The following ANKFN1 variants were observed in gnomAD, a reference collection of about 807,000 sequenced individuals.
ANKFN1 encodes the protein ankyrin repeat and fibronectin type III domain containing 1.
In ANKFN1, 74 loss-of-function variants were observed where a neutral mutation model predicts 108.7. That is an observed-to-expected ratio of 0.68 (90% CI 0.56 to 0.83). The LOEUF (loss-of-function observed/expected upper bound fraction) is 0.83. ANKFN1 is among the 40% of genes least tolerant of loss of function. ANKFN1 has a pLI of 0.00. For missense variants in ANKFN1, 1,505 were observed against 1,382.3 expected (o/e 1.09, Z -1.41); for synonymous variants, 547 against 516.2 (o/e 1.06, Z -0.81).
intron 3 of ANKFN1, among the ~76,000 whole-genome samples, chr17:56,282,279 C>T (rs1390304868): frequency 2.7e-5 from 4 of 149,476 alleles, no homozygotes; most frequent in Admixed American, 6.6e-5. Context: ...CAACAGGTGC[C>T]GTGTGTGTGT....
chr17:56,308,348 T>G (rs1487647553), intron 3 of ANKFN1, among the ~76,000 whole-genome samples: 2 of 152,152 alleles, frequency 1.3e-5, no homozygotes, highest in Non-Finnish European at 2.9e-5. Context: ...CTTGCATCCA[T>G]GTAGTCATTA....
At chr17:56,332,983 A>G (rs1598418147) in intron 4 of ANKFN1, among the ~76,000 whole-genome samples, 2 of 38,290 alleles carry the variant, frequency 5.2e-5, no homozygotes, top group African/African-American at 1.3e-4. Flanking sequence ...ATGTGTGTAT[A>G]TATATATATA....
intron 4 of ANKFN1, among the ~76,000 whole-genome samples, chr17:56,104,095 T>C (rs1193557604): frequency 2.0e-5 from 3 of 152,212 alleles, no homozygotes; most frequent in Non-Finnish European, 4.4e-5. Context: ...CTCTGTCTTC[T>C]TCTTGGCTCA....
intron 1 of ANKFN1, chr17:56,174,385 AG>A (rs1327165307): frequency 3.0e-6 from 3 of 985,472 alleles, no homozygotes; most frequent in Non-Finnish European, 2.4e-6. Flanking sequence ...GGATTGGAGG[AG>A]GGAGCAGAGG....
At chr17:56,151,689 C>T (rs1908624152), upstream of ANKFN1, among the ~76,000 whole-genome samples, 1 of 152,278 alleles carries the variant, frequency 6.6e-6, no homozygotes, top group South Asian at 2.1e-4. Flanking sequence ...ATCTGACCAA[C>T]AGCACCACTG....
intron 4 of ANKFN1, among the ~76,000 whole-genome samples, chr17:56,136,038 T>A (rs1907582403): frequency 6.6e-6 from 1 of 152,150 alleles, no homozygotes; most frequent in Non-Finnish European, 1.5e-5. Context: ...AAAAGAGATT[T>A]TTAGGGGCCA....
chr17:56,310,885 C>T (rs1019740845), intron 3 of ANKFN1, among the ~76,000 whole-genome samples: 13 of 151,982 alleles, frequency 8.6e-5, no homozygotes, highest in Admixed American at 6.6e-4. Context: ...GCCTGTGTAA[C>T]GGAAATTTTG....
chr17:56,387,204 T>C (rs969192134), intron 8 of ANKFN1, among the ~76,000 whole-genome samples: 3 of 152,114 alleles, frequency 2.0e-5, no homozygotes, highest in Non-Finnish European at 4.4e-5. Flanking sequence ...TACTTTATTG[T>C]TTCCTTACTA....
At chr17:56,087,913 G>T (rs1173942450) in intron 4 of ANKFN1, among the ~76,000 whole-genome samples, 1 of 151,056 alleles carries the variant, frequency 6.6e-6, no homozygotes, top group Non-Finnish European at 1.5e-5. Context: ...CTGGACTATA[G>T]AATATTTTCT....
At chr17:56,449,269 C>A in intron 11 of ANKFN1, 83 bp downstream of exon 11, 2 of 932,982 alleles carry the variant, frequency 2.1e-6, no homozygotes, top group Non-Finnish European at 3.3e-6. Flanking sequence ...CTGGGTCATA[C>A]CTTCTCATTC....
chr17:56,446,511 C>T (rs1362837531), intron 10 of ANKFN1, among the ~76,000 whole-genome samples: 9 of 152,170 alleles, frequency 5.9e-5, no homozygotes, highest in Admixed American at 5.9e-4. Context: ...AAATCCTTTC[C>T]TATCTTATCC....
intron 4 of ANKFN1, among the ~76,000 whole-genome samples, chr17:56,067,050 C>CAGGTGG (rs943749471): frequency 1.3e-5 from 2 of 152,012 alleles, no homozygotes; most frequent in Non-Finnish European, 2.9e-5. Context: ...AAAAATTAGC[C>CAGGTGG]AGGTGGAGAG....
intron 3 of ANKFN1, among the ~76,000 whole-genome samples, chr17:56,267,970 A>G (rs1198508281): frequency 6.6e-6 from 1 of 152,118 alleles, no homozygotes; most frequent in Admixed American, 6.5e-5. Context: ...GAATCTGTAA[A>G]TTATTTCAGG....
At chr17:56,438,376 A>C (rs966673405) in intron 8 of ANKFN1, among the ~76,000 whole-genome samples, 3 of 152,164 alleles carry the variant, frequency 2.0e-5, no homozygotes, top group African/African-American at 2.4e-5. Context: ...CAGAACAAAG[A>C]CTTTCTTCTG....
intron 4 of ANKFN1, among the ~76,000 whole-genome samples, chr17:56,049,833 A>G (rs1011465004): frequency 2.7e-5 from 4 of 149,746 alleles, no homozygotes; most frequent in African/African-American, 7.4e-5. Context: ...GCTATTGTGA[A>G]TAATGCCGCA....
intron 6 of ANKFN1, among the ~76,000 whole-genome samples, chr17:56,370,241 G>A (rs1166239078): frequency 2.6e-5 from 4 of 152,106 alleles, no homozygotes; most frequent in African/African-American, 7.2e-5. Context: ...ATCTTGAAGA[G>A]GTGGAATTCC....
chr17:56,503,486 CAT>C (rs3052391), intron 20 of ANKFN1, among the ~76,000 whole-genome samples: 2,461 of 81,178 alleles, frequency 0.03, 26 homozygotes, highest in East Asian at 0.05. Flanking sequence ...GCACAAATTT[CAT>C]ATATATATAT....
intron 4 of ANKFN1, among the ~76,000 whole-genome samples, chr17:56,124,141 A>G (rs1906787211): frequency 6.6e-6 from 1 of 152,208 alleles, no homozygotes; most frequent in Non-Finnish European, 1.5e-5. Flanking sequence ...CTGATTCAGT[A>G]GGTCTGGGAC....
chr17:56,252,279 C>T (rs541237411), intron 3 of ANKFN1: 1 of 152,272 alleles, frequency 6.6e-6, no homozygotes, highest in Non-Finnish European at 1.5e-5. Flanking sequence ...ACACAGCTAA[C>T]CAATGATGGA....
Sources: allele counts gnomAD v4.1 joint callset (sites outside exome capture counted in the v4.1 genomes callset), GRCh38; gene constraint gnomAD v4.1.1; transcripts MANE v1.5; gene names NCBI Gene and HGNC (gene_info 2026-07-23, HGNC 2026-07-21).